ODAD4: variants seen among roughly 807,000 people sequenced by gnomAD.
The protein encoded by ODAD4 is outer dynein arm-docking complex subunit 4.
ODAD4 carries 49 observed loss-of-function variants against 51.8 expected under a neutral mutation model. The observed-to-expected ratio is 0.95, with a 90% CI of 0.75 to 1.20. The LOEUF (loss-of-function observed/expected upper bound fraction) is 1.20, where lower values mean the gene tolerates loss of function less well. Ranked by LOEUF, ODAD4 falls within the 50% of genes most tolerant of loss-of-function variation. The probability of loss-of-function intolerance (pLI) is 0.00; values close to 1 mark genes in which losing one functional copy is unlikely to be tolerated. For synonymous variants in ODAD4, 235 were observed against 221.3 expected, an observed-to-expected ratio of 1.06 and a Z score of -0.55; for missense variants, 590 against 586.5, an observed-to-expected ratio of 1.01 and a Z score of -0.06.
rs985201078 is a variant in ODAD4, at chr17:41,938,860, C to T, written c.850+79C>T. 2.7e-5 allele frequency: 42 copies of T among 1,567,102 alleles called. No individual in the cohort carries two copies. The Admixed American group carries it at 2.7e-4, about 10-fold the overall frequency. ...GGGAAGGAGCAACCAGGTGTCTGAG[C>T]CCCTGGTCTCTCAGACCTGCAGATG... On this transcript the variant is annotated intron_variant, in intron 6 of 11. Transcript: ENST00000377540.
chr17:41,952,963 C>T (rs2050679724), intron 9 of ODAD4, among the ~76,000 whole-genome samples: 1 of 151,782 alleles, frequency 6.6e-6, no homozygotes, highest in Non-Finnish European at 1.5e-5. Flanking sequence ...TCTGGAACTC[C>T]TGGGCTCAAG....
Position 41,936,544 on chromosome 17 carries a change from C to G in ODAD4, c.459+10C>G. On this transcript the variant is annotated intron_variant, in intron 4 of 11. Transcript: ENST00000377540. ...AAGCAAGCAGGCTGAGGTAAGGGCCCTGGTTCTGTGGTTGTATCCCTCCAA... is the reference window on the plus strand; with the variant it reads ...AAGCAAGCAGGCTGAGGTAAGGGCCGTGGTTCTGTGGTTGTATCCCTCCAA... The G allele has an allele frequency of 1.2e-6, 2 of 1,611,200 alleles. No homozygotes were observed. The highest frequency in any genetic ancestry group is 2.2e-5 in the South Asian group (2 of 90,964).
chr17:41,943,566 C>T (rs55779557), intron 7 of ODAD4, among the ~76,000 whole-genome samples: 1 of 152,174 alleles, frequency 6.6e-6, no homozygotes, highest in Admixed American at 6.5e-5. Flanking sequence ...GAGAATATAT[C>T]GTATCAGGGT....
intron 9 of ODAD4, among the ~76,000 whole-genome samples, chr17:41,952,365 C>CAA (rs140105127): frequency 0.041 from 3,574 of 86,872 alleles, 126 homozygotes; most frequent in Middle Eastern, 0.052. Context: ...GACTCTGTAT[C>CAA]AAAAAAAAAA....
intron 1 of ODAD4, among the ~76,000 whole-genome samples, chr17:41,933,246 A>G (rs1555637218): frequency 1.3e-5 from 2 of 151,480 alleles, no homozygotes; most frequent in Non-Finnish European, 2.9e-5. Flanking sequence ...TTAGAAAAGT[A>G]GGAAGGTCTT....
In ODAD4 at chr17:41,938,780, G is replaced by C; in HGVS notation, c.849G>C (p.Met283Ile). 5 of 1,612,682 alleles carry C rather than the reference G, an allele frequency of 3.1e-6. No homozygotes were observed. Among genetic ancestry groups the C allele is most frequent in the Non-Finnish European group, 4.2e-6 (5 of 1,179,650 alleles). ...YILKSLEDID[M>I]LLTSGSAEGS... ...TCAAGAGCCTGGAGGACATTGATAT[G>C]TGTAGGTGTTGTTCTCAGAGGGTGG... Residue 283 changes from methionine (M) to isoleucine (I), a missense_variant and splice_region_variant, in exon 6 of 12, where the codon ATG becomes ATC. By Grantham distance (10) the Met-to-Ile change is conservative. Transcript: ENST00000377540.
chr17:41,943,954 T>C (rs976898963), intron 7 of ODAD4, among the ~76,000 whole-genome samples: 3 of 151,858 alleles, frequency 2.0e-5, no homozygotes, highest in Non-Finnish European at 4.4e-5. Flanking sequence ...ATACAAAAAC[T>C]GTTGGGAGGC....
intron 10 of ODAD4, among the ~76,000 whole-genome samples, chr17:41,955,586 C>G (rs1208253840): frequency 6.6e-6 from 1 of 152,098 alleles, no homozygotes; most frequent in Admixed American, 6.5e-5. Context: ...CCCACCACGT[C>G]TGGCTAATTT....
intron 7 of ODAD4, among the ~76,000 whole-genome samples, chr17:41,940,729 G>GTA (rs1269634842): frequency 1.3e-5 from 2 of 152,128 alleles, no homozygotes; most frequent in South Asian, 4.1e-4. Context: ...TAGATGTGAT[G>GTA]TATATATATG....
At chr17:41,941,972 CTCT>C (rs2050513431) in intron 7 of ODAD4, among the ~76,000 whole-genome samples, 1 of 152,152 alleles carries the variant, frequency 6.6e-6, no homozygotes, top group Non-Finnish European at 1.5e-5. Flanking sequence ...TGGAGTTTCA[CTCT>C]TCTTGCCCAG....
At chr17:41,944,665 C>G (rs1387759616) in intron 7 of ODAD4, among the ~76,000 whole-genome samples, 3 of 151,790 alleles carry the variant, frequency 2.0e-5, no homozygotes, top group Non-Finnish European at 2.9e-5. Context: ...GTGGCGGGCA[C>G]CTGTAATCCC....
At chr17:41,944,370 C>A (rs572945179) in intron 7 of ODAD4, among the ~76,000 whole-genome samples, 5 of 145,028 alleles carry the variant, frequency 3.4e-5, no homozygotes, top group Non-Finnish European at 6.0e-5. Flanking sequence ...TCTCAAAAAA[C>A]AAACAAACCC....
intron 8 of ODAD4, among the ~76,000 whole-genome samples, chr17:41,946,144 C>T (rs1338691610): frequency 6.6e-6 from 1 of 152,194 alleles, no homozygotes; most frequent in African/African-American, 2.4e-5. Context: ...CTGAGGCTTT[C>T]TTCCTCTCAC....
chr17:41,935,756 G>T lies in ODAD4; in HGVS notation c.397+7G>T. On this transcript the variant is annotated splice_region_variant and intron_variant, in intron 3 of 11. Coordinates refer to ENST00000377540, the MANE Select transcript of ODAD4 (RefSeq NM_031421.5). ...ATCAACAACTCAGTGGGAAGTGAGT[G>T]ACCACAGGGCCTATGCCCTTATCCA... 6.2e-7 allele frequency: 1 copy of T among 1,613,680 alleles called. No individual in the cohort carries two copies. Among genetic ancestry groups the T allele is most frequent in the South Asian group, 1.1e-5 (1 of 90,994 alleles).
intron 1 of ODAD4, among the ~76,000 whole-genome samples, chr17:41,934,037 T>TC (rs1491055910): frequency 3.2e-4 from 30 of 93,878 alleles, no homozygotes; most frequent in Non-Finnish European, 2.0e-4. Flanking sequence ...TTTCTTTCTT[T>TC]CTTTTTTTTT....
rs781786711 is a variant in ODAD4 at position 41,938,971 on chromosome 17, C to T, written c.857C>T (p.Thr286Ile). The change falls in exon 7 of 12, where the codon ACA becomes ATA. Residue 286 changes from threonine to isoleucine, a missense_variant. By Grantham distance (89) the Thr-to-Ile change is moderately conservative (BLOSUM62 -1). Transcript: ENST00000377540. ...KSLEDIDMLLTSGSAEGSLQK... is the reference protein window; with the variant it reads ...KSLEDIDMLLISGSAEGSLQK... ...CACCCCTTTCCTTTCTCAGTGCTCA[C>T]AAGTGGCAGTGCTGAAGGGAGTCTT... The T allele has an allele frequency of 6.2e-7, 1 of 1,609,264 alleles. No homozygotes were observed. Among genetic ancestry groups the T allele is most frequent in the Non-Finnish European group, 8.5e-7 (1 of 1,177,664 alleles).
chr17:41,958,418 T>C lies in ODAD4; in HGVS notation c.1444-2964T>C, dbSNP rs542150524. On this transcript the variant is annotated intron_variant, in intron 10 of 11. Transcript: ENST00000377540. ...GCTCATGCCTGTAATCCCAGCACTT[T>C]AGGAGGCCGAGATGGATGGATCACC... Among the ~76,000 whole-genome samples, 7 of 152,124 alleles carry C rather than the reference T, an allele frequency of 4.6e-5. No homozygotes were observed. The South Asian group carries it at 1.2e-3, about 27-fold the overall frequency.
Position 41,930,674 on chromosome 17 carries a change from C to A in ODAD4, c.-50C>A. On this transcript the variant is annotated 5_prime_UTR_variant, in exon 1 of 12. Transcript: ENST00000377540. ...CTTCCACAAACCAGATAGAGGTTCT[C>A]CAGCTTTTCTTTGATTGTCTCTGCT... The A allele has an allele frequency of 1.6e-6, 2 of 1,246,896 alleles. No individual in the cohort carries two copies. The highest frequency in any genetic ancestry group is 2.5e-5 in the South Asian group (2 of 78,600). 77.2% of individuals were successfully genotyped at this position (1,246,896 alleles called of 1,614,324 possible). A position where few individuals can be genotyped will look rare whatever the true frequency, so the allele number is the denominator to read the frequency against.
intron 3 of ODAD4, 41 bp downstream of exon 3, chr17:41,935,790 CT>C (rs1256279235): frequency 6.2e-7 from 1 of 1,608,822 alleles, no homozygotes; most frequent in African/African-American, 1.3e-5. Context: ...CAGGAAGGTC[CT>C]TGGAATCCTT....
Sources: gnomAD v4.1 joint callset for allele counts (sites outside exome capture counted in the v4.1 genomes callset) on GRCh38, gnomAD v4.1.1 for gene constraint, MANE v1.5 for transcripts, NCBI Gene and HGNC (gene_info 2026-07-23, HGNC 2026-07-21) for gene names.